Variants in SLC35F3 observed in about 807,000 individuals in gnomAD.
SLC35F3 encodes the protein solute carrier family 35 member F3, also known as putative thiamine transporter SLC35F3.
In SLC35F3, 25 loss-of-function variants were observed where a neutral mutation model predicts 49.9. The ratio of observed to expected loss-of-function variants is 0.50; its 90% CI spans 0.37 to 0.70. The LOEUF is 0.70. SLC35F3 is among the 30% of genes least tolerant of loss of function. SLC35F3 has a pLI of 0.00. For synonymous variants in SLC35F3, 275 were observed against 265.4 expected, an observed-to-expected ratio of 1.04 and a Z score of -0.35; for missense variants, 525 against 639.8, an observed-to-expected ratio of 0.82 and a Z score of 1.94.
At chr1:233,910,791 A>C (rs1661861870) in intron 2 of SLC35F3, among the ~76,000 whole-genome samples, 1 of 152,228 alleles carries the variant, frequency 6.6e-6, no homozygotes, top group South Asian at 2.1e-4. Context: ...GTTGAACGTC[A>C]ACTATTATTC....
rs1662220191 is a variant in SLC35F3, at chr1:233,930,168, G to A, written c.283+24410G>A. Reference sequence around the variant, plus strand: ...CATTTCTTAAAAGAAAAAAAAAAAAGGAAGAGAGAGAGAGAAAAACTTTGA... The same window carrying A: ...CATTTCTTAAAAGAAAAAAAAAAAAAGAAGAGAGAGAGAGAAAAACTTTGA... On this transcript the variant is annotated intron_variant, in intron 2 of 7. Transcript: ENST00000366618. 2.9e-5 allele frequency among the ~76,000 whole-genome samples: 4 copies of A among 140,320 alleles called. No homozygotes were observed. The South Asian group carries it at 7.1e-4, about 25-fold the overall frequency. 92.1% of individuals were successfully genotyped at this position (140,320 alleles called of 152,430 possible).
chr1:234,275,004 C>A (rs1015092614), intron 3 of SLC35F3, among the ~76,000 whole-genome samples: 2 of 152,198 alleles, frequency 1.3e-5, no homozygotes, highest in African/African-American at 4.8e-5. Context: ...CTATTCCAGA[C>A]CCTCACCACC....
chr1:233,924,864 G>T (rs539234921), intron 2 of SLC35F3, among the ~76,000 whole-genome samples: 69 of 152,256 alleles, frequency 4.5e-4, no homozygotes, highest in Non-Finnish European at 8.5e-4. Context: ...AAGAACATCT[G>T]TATTTCTGCC....
At chr1:234,298,755 G>A (rs1245582904) in intron 3 of SLC35F3, among the ~76,000 whole-genome samples, 1 of 152,168 alleles carries the variant, frequency 6.6e-6, no homozygotes, top group Non-Finnish European at 1.5e-5. Context: ...CTAAAATTTA[G>A]CAGCTTAAAT....
At chr1:234,196,944 GA>G (rs996241608) in intron 2 of SLC35F3, among the ~76,000 whole-genome samples, 5 of 150,508 alleles carry the variant, frequency 3.3e-5, no homozygotes, top group Admixed American at 6.6e-5. Context: ...TCCATATTGG[GA>G]AAAAAAAAGA....
intron 1 of SLC35F3, 29 bp downstream of exon 1, chr1:233,905,159 G>A (rs764100779): frequency 1.9e-6 from 3 of 1,549,874 alleles, no homozygotes; most frequent in East Asian, 4.9e-5. Flanking sequence ...GTGGGTGAGC[G>A]AGCCGGCGGG....
chr1:234,138,163 G>A (rs1665838281), intron 2 of SLC35F3, among the ~76,000 whole-genome samples: 1 of 152,066 alleles, frequency 6.6e-6, no homozygotes, highest in South Asian at 2.1e-4. Context: ...ACAACTTTAG[G>A]TTACACTATA....
chr1:234,117,930 G>GTATATATATA (rs1572058536), intron 2 of SLC35F3, among the ~76,000 whole-genome samples: 1 of 27,508 alleles, frequency 3.6e-5, no homozygotes, highest in Non-Finnish European at 1.2e-4. Context: ...GTGTGTGTGT[G>GTATATATATA]TGTGTGTGTG....
At chr1:234,069,055 T>C (rs1345585075) in intron 2 of SLC35F3, among the ~76,000 whole-genome samples, 1 of 109,228 alleles carries the variant, frequency 9.2e-6, no homozygotes, top group Non-Finnish European at 1.7e-5. Flanking sequence ...ATATATAATA[T>C]ATATTATAAT....
intron 2 of SLC35F3, among the ~76,000 whole-genome samples, chr1:234,096,824 G>T (rs1224288637): frequency 2.6e-5 from 4 of 151,956 alleles, no homozygotes; most frequent in Non-Finnish European, 5.9e-5. Flanking sequence ...GTCTTTCTTT[G>T]CAGGGTAGAT....
At chr1:234,292,281 C>T (rs552448557) in intron 3 of SLC35F3, among the ~76,000 whole-genome samples, 63 of 152,304 alleles carry the variant, frequency 4.1e-4, no homozygotes, top group Non-Finnish European at 6.9e-4. Flanking sequence ...TCAGCAGTGG[C>T]CCTCTACAGA....
chr1:233,975,613 G>A (rs753423899), intron 2 of SLC35F3, among the ~76,000 whole-genome samples: 1 of 152,228 alleles, frequency 6.6e-6, no homozygotes, highest in Non-Finnish European at 1.5e-5. Flanking sequence ...GACTCCAAGG[G>A]CACTTTGTGG....
intron 2 of SLC35F3, among the ~76,000 whole-genome samples, chr1:234,195,882 G>T (rs971709780): frequency 1.3e-5 from 2 of 152,108 alleles, no homozygotes; most frequent in South Asian, 4.1e-4. Flanking sequence ...CTTTCACCTG[G>T]CTTTCATTCT....
At chr1:233,922,882 C>A (rs1004568927) in intron 2 of SLC35F3, among the ~76,000 whole-genome samples, 1 of 152,132 alleles carries the variant, frequency 6.6e-6, no homozygotes, top group African/African-American at 2.4e-5. Context: ...CCAGTTTTCC[C>A]AGCACCATTT....
chr1:234,179,397 C>T (rs1348399963), intron 2 of SLC35F3, among the ~76,000 whole-genome samples: 5 of 152,024 alleles, frequency 3.3e-5, no homozygotes, highest in African/African-American at 1.2e-4. Context: ...CACTAATACC[C>T]GGCTCTAAAA....
chr1:233,944,879 A>C (rs1662488764), intron 2 of SLC35F3, among the ~76,000 whole-genome samples: 1 of 152,180 alleles, frequency 6.6e-6, no homozygotes, highest in Non-Finnish European at 1.5e-5. Context: ...GGAAGGGACC[A>C]TGGCAACATT....
chr1:234,091,909 G>A (rs1033401688), intron 2 of SLC35F3, among the ~76,000 whole-genome samples: 8 of 152,154 alleles, frequency 5.3e-5, no homozygotes, highest in South Asian at 2.1e-4. Flanking sequence ...TTGTCCTCAC[G>A]CTACCTGCTT....
At position 234,231,801 on chromosome 1, in the gene SLC35F3, T is replaced by TCCGCAGAG; in HGVS notation, c.608+61_608+62insCGCAGAGC. 5.4e-6 allele frequency: 8 copies of TCCGCAGAG among 1,478,218 alleles called. No individual in the cohort carries two copies. Among genetic ancestry groups the TCCGCAGAG allele is most frequent in the Non-Finnish European group, 5.5e-6 (6 of 1,083,862 alleles). The allele number at this position is 1,478,218 out of a possible 1,614,324, so 91.6% of individuals were successfully genotyped here. On this transcript the variant is annotated intron_variant, in intron 3 of 7. Transcript: ENST00000366618. The surrounding 1 kb of genome is among the most constrained non-coding windows in gnomAD (Gnocchi z 5.4). ...CCGGGCTGCTCCATCCAGCGCTGAC[T>TCCGCAGAG]CTGCAGAGCTGCCCCTGGTGGCAGG...
chr1:234,002,272 G>A (rs1424169951), intron 2 of SLC35F3, among the ~76,000 whole-genome samples: 2 of 152,148 alleles, frequency 1.3e-5, no homozygotes, highest in African/African-American at 2.4e-5. Context: ...TATTGTTAAT[G>A]TAAGGCCACA....
Sources: gnomAD v4.1 joint callset for allele counts (sites outside exome capture counted in the v4.1 genomes callset) on GRCh38, gnomAD v4.1.1 for gene constraint, Gnocchi (gnomAD v3.1) non-coding constraint, MANE v1.5 for transcripts, NCBI Gene and HGNC (gene_info 2026-07-23, HGNC 2026-07-21) for gene names.